The following ZFPM2 variants were observed in gnomAD, a reference collection of about 807,000 sequenced individuals.
The protein encoded by ZFPM2 is zinc finger protein ZFPM2.
In ZFPM2, 20 loss-of-function variants were observed where a neutral mutation model predicts 98.6. That is an observed-to-expected ratio of 0.20 (90% confidence interval 0.14 to 0.29). ZFPM2 has a LOEUF of 0.29. Ranked by LOEUF, ZFPM2 falls within the 10% of genes least tolerant of loss-of-function variation. ZFPM2 has a pLI of 1.00. For synonymous variants in ZFPM2, 518 were observed against 502.7 expected, an observed-to-expected ratio of 1.03 and a Z score of -0.41; for missense variants, 1,310 against 1,388.6, an observed-to-expected ratio of 0.94 and a Z score of 0.90.
intron 5 of ZFPM2, chr8:105,691,064 C>T (rs956583748): frequency 6.6e-6 from 1 of 152,118 alleles, no homozygotes; most frequent in African/African-American, 2.4e-5. Flanking sequence ...TTATTATCCT[C>T]TCCTACTCAA....
chr8:105,332,344 A>G lies in ZFPM2; in HGVS notation c.40+13363A>G, dbSNP rs780925110. 6.3e-4 allele frequency among the ~76,000 whole-genome samples: 96 copies of G among 151,910 alleles called. 1 individual carries two copies. The highest frequency in any genetic ancestry group is 2.2e-3 in the African/African-American group (91 of 41,522). On this transcript the variant is annotated intron_variant, in intron 1 of 7. Coordinates refer to ENST00000407775, the MANE Select transcript of ZFPM2 (RefSeq NM_012082.4). ...GTGTGACCTAGTCTTGTTCACTTCTATAACTACAGTTGCTAGAAAAATACC... is the reference window on the plus strand; with the variant it reads ...GTGTGACCTAGTCTTGTTCACTTCTGTAACTACAGTTGCTAGAAAAATACC...
chr8:105,671,274 A>G (rs1369858303), intron 5 of ZFPM2, among the ~76,000 whole-genome samples: 4 of 151,926 alleles, frequency 2.6e-5, no homozygotes, highest in Non-Finnish European at 5.9e-5. Context: ...ATTTTTTTGA[A>G]CCTTCAATAT....
At chr8:105,579,589 G>A (rs959774609) in intron 4 of ZFPM2, among the ~76,000 whole-genome samples, 8 of 152,036 alleles carry the variant, frequency 5.3e-5, no homozygotes, top group African/African-American at 1.9e-4. Flanking sequence ...CCACTATCAG[G>A]TACCACTGTC....
At chr8:105,472,292 A>G (rs984872234) in intron 3 of ZFPM2, among the ~76,000 whole-genome samples, 2 of 152,220 alleles carry the variant, frequency 1.3e-5, no homozygotes, top group African/African-American at 4.8e-5. Flanking sequence ...ATCTAAAGTA[A>G]CTACATTATG....
chr8:105,351,801 AG>A (rs1246397526), intron 1 of ZFPM2, among the ~76,000 whole-genome samples: 4 of 152,150 alleles, frequency 2.6e-5, no homozygotes, highest in Non-Finnish European at 5.9e-5. Context: ...GCTGTGAAAA[AG>A]ATGGGAGGTC....
chr8:105,468,306 G>T (rs1812832178), intron 3 of ZFPM2, among the ~76,000 whole-genome samples: 1 of 151,894 alleles, frequency 6.6e-6, no homozygotes, highest in African/African-American at 2.4e-5. Context: ...AATTGCACTT[G>T]TGGCCATTAC....
intron 1 of ZFPM2, among the ~76,000 whole-genome samples, chr8:105,397,911 A>C (rs946489710): frequency 3.9e-5 from 6 of 152,158 alleles, no homozygotes; most frequent in Non-Finnish European, 8.8e-5. Flanking sequence ...TGTAGTGACT[A>C]CTTAAAGTAC....
At chr8:105,603,873 G>C (rs1412264349) in intron 4 of ZFPM2, among the ~76,000 whole-genome samples, 1 of 151,978 alleles carries the variant, frequency 6.6e-6, no homozygotes, top group Non-Finnish European at 1.5e-5. Context: ...CATGGCCTCT[G>C]TTGCTTTCTC....
At chr8:105,458,858 T>A (rs2130291631) in intron 3 of ZFPM2, among the ~76,000 whole-genome samples, 1 of 152,254 alleles carries the variant, frequency 6.6e-6, no homozygotes, top group African/African-American at 2.4e-5. Context: ...AGAATATTTT[T>A]TTTTTTACTC....
intron 5 of ZFPM2, among the ~76,000 whole-genome samples, chr8:105,729,552 G>A (rs527388286): frequency 5.9e-5 from 9 of 151,686 alleles, no homozygotes; most frequent in African/African-American, 2.2e-4. Flanking sequence ...TTGTATTAAA[G>A]CCATAATTGT....
At chr8:105,413,970 T>C (rs1057052918) in intron 1 of ZFPM2, among the ~76,000 whole-genome samples, 3 of 151,960 alleles carry the variant, frequency 2.0e-5, no homozygotes, top group African/African-American at 7.2e-5. Context: ...ATTATTGTAA[T>C]TATTGGGAAT....
intron 3 of ZFPM2, among the ~76,000 whole-genome samples, chr8:105,514,129 A>G (rs1813870052): frequency 6.6e-6 from 1 of 151,102 alleles, no homozygotes; most frequent in Admixed American, 6.6e-5. Context: ...CAGCCTCCTG[A>G]GTAGCTGGGA....
chr8:105,356,913 C>A (rs1272334322), intron 1 of ZFPM2, among the ~76,000 whole-genome samples: 1 of 152,120 alleles, frequency 6.6e-6, no homozygotes, highest in Non-Finnish European at 1.5e-5. Flanking sequence ...CCAGGCTGAT[C>A]TTCTAAAAAC....
intron 2 of ZFPM2, among the ~76,000 whole-genome samples, chr8:105,427,992 G>A (rs1047547047): frequency 3.9e-5 from 6 of 152,140 alleles, no homozygotes; most frequent in Admixed American, 3.9e-4. Context: ...TGCTGTTTTT[G>A]CCTGTAACTT....
chr8:105,377,607 C>CAAAAAAAA lies in ZFPM2; in HGVS notation c.41-41518_41-41511dup, dbSNP rs36124912. Among the ~76,000 whole-genome samples, 203 of 63,874 alleles carry CAAAAAAAA rather than the reference C, an allele frequency of 3.2e-3. 61 individuals are homozygous for CAAAAAAAA. The highest frequency in any genetic ancestry group is 0.011 in the African/African-American group (178 of 16,588). The allele number at this position is 63,874 out of a possible 152,430, so 41.9% of individuals were successfully genotyped here. On this transcript the variant is annotated intron_variant, in intron 1 of 7. Coordinates refer to ENST00000407775, the MANE Select transcript of ZFPM2 (RefSeq NM_012082.4). ...CAAAACCCCGTTTTTCTTAAAAATC[C>CAAAAAAAA]AAAAAAAAAAAAAAAAAAAAAAAAA...
chr8:105,577,756 G>A (rs1167747821), intron 4 of ZFPM2, among the ~76,000 whole-genome samples: 2 of 149,334 alleles, frequency 1.3e-5, no homozygotes, highest in Non-Finnish European at 3.0e-5. Context: ...AATTAAAGTG[G>A]CAAATATGGT....
chr8:105,708,734 G>A lies in ZFPM2; in HGVS notation c.532+74377G>A, dbSNP rs550791314. ...GCTGGGATTATTGGCATGAGTCACC[G>A]TGCCTGGCCTATTATTAGTAGATAA... On this transcript the variant is annotated intron_variant, in intron 5 of 7. Coordinates refer to ENST00000407775, the MANE Select transcript of ZFPM2 (RefSeq NM_012082.4). 1.6e-4 allele frequency among the ~76,000 whole-genome samples: 25 copies of A among 152,228 alleles called. No homozygotes were observed. In the South Asian group the frequency reaches 3.9e-3, roughly 24 times the overall value.
At chr8:105,372,908 G>GA (rs1810651957) in intron 1 of ZFPM2, among the ~76,000 whole-genome samples, 2 of 152,008 alleles carry the variant, frequency 1.3e-5, no homozygotes, top group African/African-American at 2.4e-5. Context: ...TTTAATAAAT[G>GA]AAAAAAAGAC....
intron 5 of ZFPM2, among the ~76,000 whole-genome samples, chr8:105,733,121 T>C (rs778890300): frequency 2.6e-5 from 4 of 151,924 alleles, no homozygotes; most frequent in Non-Finnish European, 4.4e-5. Flanking sequence ...TATGAGGTAA[T>C]AGATATCTAA....
Sources: gnomAD v4.1 joint callset for allele counts (sites outside exome capture counted in the v4.1 genomes callset) on GRCh38, gnomAD v4.1.1 for gene constraint, MANE v1.5 for transcripts, NCBI Gene and HGNC (gene_info 2026-07-23, HGNC 2026-07-21) for gene names.